Variants in CPA6 observed in about 807,000 individuals in gnomAD.
The protein encoded by CPA6 is carboxypeptidase B.
Under a neutral mutation model 63.3 loss-of-function variants are expected in CPA6, and 58 were observed. The ratio of observed to expected loss-of-function variants is 0.92; its 90% CI spans 0.74 to 1.14. The LOEUF is 1.14. Among genes scored for constraint, CPA6 ranks in the 50% most tolerant of loss-of-function variants. The probability of loss-of-function intolerance (pLI) is 0.00; values close to 1 mark genes in which losing one functional copy is unlikely to be tolerated. For missense variants in CPA6, 565 were observed against 526.6 expected, an observed-to-expected ratio of 1.07 and a Z score of -0.71; for synonymous variants, 185 against 179.0, an observed-to-expected ratio of 1.03 and a Z score of -0.27.
intron 6 of CPA6, among the ~76,000 whole-genome samples, chr8:67,504,753 A>G (rs760962389): frequency 1.4e-4 from 22 of 152,140 alleles, no homozygotes; most frequent in Non-Finnish European, 3.1e-4. Context: ...GGTTGCTTCC[A>G]TGGCTCAGAC....
intron 3 of CPA6, among the ~76,000 whole-genome samples, chr8:67,515,717 C>T (rs1248751350): frequency 6.6e-6 from 1 of 152,088 alleles, no homozygotes; most frequent in African/African-American, 2.4e-5. Flanking sequence ...GGATGATTCT[C>T]TGGTGATTTA....
At chr8:67,745,392 T>C (rs1817988867) in intron 1 of CPA6, among the ~76,000 whole-genome samples, 1 of 152,228 alleles carries the variant, frequency 6.6e-6, no homozygotes, top group Admixed American at 6.5e-5. Context: ...AAGAAAGGCA[T>C]ATAGAAAGCA....
At chr8:67,563,015 A>G (rs1813251741) in intron 2 of CPA6, among the ~76,000 whole-genome samples, 1 of 152,066 alleles carries the variant, frequency 6.6e-6, no homozygotes, top group Non-Finnish European at 1.5e-5. Flanking sequence ...AAGCTCTTCC[A>G]GGGCAGATGA....
Position 67,425,590 on chromosome 8 carries a change from G to A in CPA6, c.1126+2457C>T, listed in dbSNP as rs562227967. Among the ~76,000 whole-genome samples the A allele has an allele frequency of 1.9e-4, 29 of 152,268 alleles. 1 individual carries two copies. In the South Asian group the frequency reaches 3.1e-3, roughly 16 times the overall value. On this transcript the variant is annotated intron_variant, in intron 10 of 10. Coordinates refer to ENST00000297770, the MANE Select transcript of CPA6 (RefSeq NM_020361.5). ...GGGGTTTCACCATGTTAGCCAGGCT[G>A]GTCTCAAACTCCTGCTCAGGTGATC... is the stretch of plus-strand genomic sequence containing the variant.
At chr8:67,477,993 T>C (rs1238432812) in intron 8 of CPA6, among the ~76,000 whole-genome samples, 3 of 152,200 alleles carry the variant, frequency 2.0e-5, no homozygotes, top group Non-Finnish European at 4.4e-5. Context: ...GCTAATAGGA[T>C]GACTGGTGGC....
intron 2 of CPA6, among the ~76,000 whole-genome samples, chr8:67,541,955 C>T (rs547938031): frequency 2.0e-5 from 3 of 152,326 alleles, no homozygotes; most frequent in Admixed American, 2.0e-4. Context: ...GCATCTTGCC[C>T]GGGTTGATCT....
intron 8 of CPA6, among the ~76,000 whole-genome samples, chr8:67,437,764 A>G (rs748654858): frequency 8.5e-5 from 13 of 152,228 alleles, no homozygotes; most frequent in Non-Finnish European, 1.6e-4. Flanking sequence ...GGCATGGGGA[A>G]GAGTAAAGAA....
chr8:67,484,074 CT>C (rs11320694), intron 7 of CPA6, among the ~76,000 whole-genome samples: 50,189 of 146,420 alleles, frequency 0.34, 8,335 homozygotes, highest in Middle Eastern at 0.45. Context: ...TTTGCCTTCT[CT>C]TTTTTTTTTT....
At chr8:67,483,915 G>T (rs1811415055) in intron 7 of CPA6, 57 bp from the exon 8 acceptor site, 2 of 1,335,222 alleles carry the variant, frequency 1.5e-6, no homozygotes, top group Non-Finnish European at 1.1e-6. Context: ...TTATTCGCAT[G>T]CATTTTAATA....
chr8:67,729,732 A>G (rs1409532133), intron 1 of CPA6, among the ~76,000 whole-genome samples: 1 of 152,228 alleles, frequency 6.6e-6, no homozygotes, highest in Non-Finnish European at 1.5e-5. Flanking sequence ...TATTAAATAA[A>G]TATCCCTGTA....
chr8:67,446,607 G>A (rs888555065), intron 8 of CPA6, among the ~76,000 whole-genome samples: 1 of 152,148 alleles, frequency 6.6e-6, no homozygotes, highest in African/African-American at 2.4e-5. Context: ...GACAGCAACT[G>A]GTCCCTGTGG....
intron 8 of CPA6, among the ~76,000 whole-genome samples, chr8:67,466,673 T>C (rs542864879): frequency 2.6e-5 from 4 of 152,298 alleles, no homozygotes; most frequent in African/African-American, 9.6e-5. Flanking sequence ...TTTTCATTTA[T>C]TTTTAAGAAT....
chr8:67,565,602 AC>A (rs1423850227), intron 2 of CPA6, among the ~76,000 whole-genome samples: 1 of 152,124 alleles, frequency 6.6e-6, no homozygotes, highest in African/African-American at 2.4e-5. Context: ...ACAAAATACC[AC>A]TTCTTTCACT....
At chr8:67,466,140 C>T (rs1810921932) in intron 8 of CPA6, among the ~76,000 whole-genome samples, 1 of 144,800 alleles carries the variant, frequency 6.9e-6, no homozygotes, top group Non-Finnish European at 1.5e-5. Context: ...TTTGGAATTC[C>T]GTATTGGTCT....
At chr8:67,515,844 C>A (rs2128966404) in intron 3 of CPA6, among the ~76,000 whole-genome samples, 1 of 152,300 alleles carries the variant, frequency 6.6e-6, no homozygotes, top group South Asian at 2.1e-4. Flanking sequence ...TACCCCCGGA[C>A]TCTGAGCATC....
chr8:67,600,511 G>A (rs1461993271), intron 2 of CPA6, among the ~76,000 whole-genome samples: 1 of 152,110 alleles, frequency 6.6e-6, no homozygotes, highest in African/African-American at 2.4e-5. Context: ...GAGATGTTAA[G>A]TGTTCTCACT....
intron 10 of CPA6, 146 bp downstream of exon 10, chr8:67,427,901 A>G: frequency 1.7e-6 from 1 of 596,066 alleles, no homozygotes. Flanking sequence ...AATCAGATAT[A>G]AACTCCTTCT....
intron 1 of CPA6, among the ~76,000 whole-genome samples, chr8:67,660,509 T>TG (rs1816085509): frequency 7.1e-6 from 1 of 140,754 alleles, no homozygotes; most frequent in Non-Finnish European, 1.5e-5. Flanking sequence ...TTTTTTTTTT[T>TG]TTTTTTTTTT....
chr8:67,559,293 A>G (rs1240040105), intron 2 of CPA6, among the ~76,000 whole-genome samples: 1 of 152,182 alleles, frequency 6.6e-6, no homozygotes, highest in East Asian at 1.9e-4. Context: ...ATGATTTTCC[A>G]GGGATAGATT....
Sources: gnomAD v4.1 joint callset for allele counts (sites outside exome capture counted in the v4.1 genomes callset) on GRCh38, gnomAD v4.1.1 for gene constraint, MANE v1.5 for transcripts, NCBI Gene and HGNC (gene_info 2026-07-23, HGNC 2026-07-21) for gene names.